PCLAF: variants seen among roughly 807,000 people sequenced by gnomAD.
The protein encoded by PCLAF is PCNA clamp associated factor, also known as PCNA-associated factor.
A neutral mutation model predicts 15.1 loss-of-function variants in PCLAF; 12 were observed. The ratio of observed to expected loss-of-function variants is 0.79; its 90% confidence interval spans 0.51 to 1.29. PCLAF has a LOEUF of 1.29. PCLAF is among the 50% of genes most tolerant of loss of function. PCLAF has a pLI of 0.00. For missense variants in PCLAF, 116 were observed against 130.9 expected (o/e 0.89, Z 0.56); for synonymous variants, 33 against 47.1 (o/e 0.70, Z 1.22).
chr15:64,377,502 T>A (rs867594099), intron 2 of PCLAF, among the ~76,000 whole-genome samples: 3,704 of 31,614 alleles, frequency 0.12, 696 homozygotes, highest in Non-Finnish European at 0.15. Flanking sequence ...TATATATATA[T>A]ATATATATAT....
At chr15:64,372,990 G>A (rs1899408806) in intron 3 of PCLAF, among the ~76,000 whole-genome samples, 1 of 152,122 alleles carries the variant, frequency 6.6e-6, no homozygotes, top group Non-Finnish European at 1.5e-5. Context: ...AAGAAACAGA[G>A]TTAAGTGCCC....
chr15:64,373,731 C>T lies in PCLAF; in HGVS notation c.290+3012G>A, dbSNP rs527951623. 1.0e-5 allele frequency: 16 copies of T among 1,535,886 alleles called. No homozygotes were observed. The African/African-American group carries it at 2.1e-4, about 20-fold the overall frequency. ...ATCAGTGTGCCGTGTGTCCAGCTTG[C>T]TGCTCAGTGTGCTGGAGGATGGGTG... On this transcript the variant is annotated intron_variant, in intron 3 of 3. Transcript: ENST00000300035.
intron 3 of PCLAF, among the ~76,000 whole-genome samples, chr15:64,366,287 TGTTA>T (rs1899028083): frequency 6.6e-6 from 1 of 152,234 alleles, no homozygotes; most frequent in African/African-American, 2.4e-5. Context: ...TTTATTTGCC[TGTTA>T]ATTTGCAGAA....
chr15:64,381,132 G>T, intron 1 of PCLAF, 94 bp from the exon 2 acceptor site: 1 of 1,299,122 alleles, frequency 7.7e-7, no homozygotes, highest in Non-Finnish European at 1.1e-6. Context: ...AGAGCCTGGC[G>T]ATCCAGAACA....
At chr15:64,368,587 C>T (rs928267182) in intron 3 of PCLAF, among the ~76,000 whole-genome samples, 2 of 152,104 alleles carry the variant, frequency 1.3e-5, no homozygotes, top group Non-Finnish European at 2.9e-5. Context: ...ATGGGAATAA[C>T]TATATTCCAT....
In PCLAF at chr15:64,381,209, T is replaced by C. The variant is rs543294479; in HGVS notation, c.46+117A>G. The C allele has an allele frequency of 1.5e-4, 203 of 1,338,874 alleles. No individual in the cohort carries two copies. The Admixed American group carries it at 3.4e-3, about 22-fold the overall frequency. 82.9% of individuals were successfully genotyped at this position (1,338,874 alleles called of 1,614,324 possible). A position where few individuals can be genotyped will look rare whatever the true frequency, so the allele number is the denominator to read the frequency against. On this transcript the variant is annotated intron_variant, in intron 1 of 3. Transcript: ENST00000300035. ...GTAAAGGGGCCAGGCGGCTACTCCC[T>C]GGCTAGCTAGATGAGTTTGGCGCAC...
chr15:64,381,437 C>T lies in PCLAF; in HGVS notation c.-66G>A, dbSNP rs898351044. On this transcript the variant is annotated 5_prime_UTR_variant, in exon 1 of 4. Coordinates refer to ENST00000300035, the MANE Select transcript of PCLAF (RefSeq NM_014736.6). The stretch of plus-strand genomic sequence containing the variant: ...TCCCAGCCGAGGGTGTTTCACTGGA[C>T]AAGGACCCGAAAACTATCCCGCCAC... 5 of 1,611,768 alleles carry T rather than the reference C, an allele frequency of 3.1e-6. No homozygotes were observed. In the African/African-American group the frequency reaches 5.3e-5, roughly 17 times the overall value.
chr15:64,385,117 C>T (rs752840151), upstream of PCLAF, among the ~76,000 whole-genome samples: 22 of 151,976 alleles, frequency 1.4e-4, no homozygotes, highest in Admixed American at 3.9e-4. Context: ...CTCGAATTTC[C>T]GAGTTCAACC....
At chr15:64,370,568 C>T (rs1008686826) in intron 3 of PCLAF, among the ~76,000 whole-genome samples, 3 of 151,630 alleles carry the variant, frequency 2.0e-5, no homozygotes, top group African/African-American at 4.8e-5. Flanking sequence ...GGGGTTTCGC[C>T]GTGTTGGCCA....
In PCLAF at chr15:64,377,706, C is replaced by G. The variant is rs1899666272; in HGVS notation, c.128-801G>C. Among the ~76,000 whole-genome samples, 4 of 144,518 alleles carry G rather than the reference C, an allele frequency of 2.8e-5. No homozygotes were observed. The Admixed American group carries it at 2.8e-4, about 10-fold the overall frequency. 94.8% of individuals were successfully genotyped at this position (144,518 alleles called of 152,430 possible). ...AAGTAGATTCCATTTTTCAAAGCAC[C>G]TGGCTCCTTTTCAGTTCATAAGAGA... On this transcript the variant is annotated intron_variant, in intron 2 of 3. Coordinates refer to ENST00000300035, the MANE Select transcript of PCLAF (RefSeq NM_014736.6).
intron 1 of PCLAF, 29 bp downstream of exon 1, chr15:64,381,297 C>T (rs987037573): frequency 1.2e-6 from 2 of 1,611,328 alleles, no homozygotes; most frequent in African/African-American, 2.7e-5. Flanking sequence ...GACCCCCCCG[C>T]CCTCCAGTAC....
In PCLAF at chr15:64,371,539, T is replaced by C. The variant is rs188857190; in HGVS notation, c.290+5204A>G. ...CCTAGGCCTCCCAAAGTACTGGGAG[T>C]ACAGGCATGAGCCGCCGTGCCCAGC... is the stretch of plus-strand genomic sequence containing the variant. On this transcript the variant is annotated intron_variant, in intron 3 of 3. Transcript: ENST00000300035. 8.3e-4 allele frequency among the ~76,000 whole-genome samples: 127 copies of C among 152,248 alleles called. 2 individuals carry two copies. The highest frequency in any genetic ancestry group is 3.0e-3 in the African/African-American group (126 of 41,558).
exon 1 of PCLAF, chr15:64,387,573 G>T: frequency 2.2e-6 from 3 of 1,357,040 alleles, no homozygotes; most frequent in Non-Finnish European, 1.9e-6. Context: ...ATAGGCACTT[G>T]CACTGTCTTC....
chr15:64,370,743 A>T (rs1899259485), intron 3 of PCLAF, among the ~76,000 whole-genome samples: 1 of 150,730 alleles, frequency 6.6e-6, no homozygotes. Flanking sequence ...AATCAAGTCC[A>T]CTTATGCTTA....
chr15:64,382,844 T>A, upstream of PCLAF: 1 of 281,954 alleles, frequency 3.5e-6, no homozygotes, highest in Non-Finnish European at 6.9e-6. Flanking sequence ...AATAAAAAAT[T>A]AGCTGGGAGT....
At chr15:64,378,518 G>A (rs532422047) in intron 2 of PCLAF, among the ~76,000 whole-genome samples, 7 of 152,190 alleles carry the variant, frequency 4.6e-5, no homozygotes, top group South Asian at 2.1e-4. Flanking sequence ...CAACCGTCCC[G>A]CCTTCGCCTC....
At chr15:64,368,215 C>T (rs1471816562) in intron 3 of PCLAF, among the ~76,000 whole-genome samples, 6 of 151,814 alleles carry the variant, frequency 4.0e-5, no homozygotes, top group South Asian at 2.1e-4. Flanking sequence ...CATGGTGACG[C>T]GTGCCTGTAA....
intron 3 of PCLAF, among the ~76,000 whole-genome samples, chr15:64,372,179 G>A (rs1343805541): frequency 1.3e-5 from 2 of 152,154 alleles, no homozygotes; most frequent in African/African-American, 4.8e-5. Context: ...AACTAAATCT[G>A]GCATTCTTGT....
chr15:64,377,149 T>C (rs1192366353), intron 2 of PCLAF, among the ~76,000 whole-genome samples: 1 of 151,898 alleles, frequency 6.6e-6, no homozygotes, highest in Non-Finnish European at 1.5e-5. Context: ...AAAATATTTT[T>C]ATATTTTGTC....
Sources: gnomAD v4.1 joint callset for allele counts (sites outside exome capture counted in the v4.1 genomes callset) on GRCh38, gnomAD v4.1.1 for gene constraint, MANE v1.5 for transcripts, NCBI Gene and HGNC (gene_info 2026-07-23, HGNC 2026-07-21) for gene names.